The following PCDHGB6 variants were observed in gnomAD, a reference collection of about 807,000 sequenced individuals.
The protein encoded by PCDHGB6 is protocadherin gamma-B6.
In PCDHGB6, 51 loss-of-function variants were observed where a neutral mutation model predicts 59.1. That is an observed-to-expected ratio of 0.86 (90% CI 0.69 to 1.09). The LOEUF (loss-of-function observed/expected upper bound fraction) is 1.09. Among genes scored for constraint, PCDHGB6 ranks in the 50% least tolerant of loss-of-function variants. The pLI is 0.00. For synonymous variants in PCDHGB6, 466 were observed against 495.1 expected (o/e 0.94, Z 0.78); for missense variants, 1,148 against 1,205.1 (o/e 0.95, Z 0.70).
At chr5:141,416,859 G>C (rs1411419006) in intron 1 of PCDHGB6, 1 of 151,936 alleles carries the variant, frequency 6.6e-6, no homozygotes, top group African/African-American at 2.4e-5. Context: ...ATTTTTTTCA[G>C]GTCAGTCAAC....
chr5:141,501,836 T>G (rs2099811283), intron 2 of PCDHGB6, among the ~76,000 whole-genome samples: 1 of 152,136 alleles, frequency 6.6e-6, no homozygotes, highest in Non-Finnish European at 1.5e-5. Context: ...CCCACCTGTT[T>G]GGCCCTCAAC....
chr5:141,432,537 C>T lies in PCDHGB6; in HGVS notation c.2418+21917C>T, dbSNP rs367578838. Reference sequence around the variant, plus strand: ...GGCTACCTGGTGACCAAGGTGGTGGCGGTGGACAGAGACTCCGGCCAGAAC... The same window carrying T: ...GGCTACCTGGTGACCAAGGTGGTGGTGGTGGACAGAGACTCCGGCCAGAAC... On this transcript the variant is annotated intron_variant, in intron 1 of 3. Transcript: ENST00000520790. This position sits in a 1 kb window ranked among gnomAD's most constrained non-coding sequence, Gnocchi z 6.0. The T allele has an allele frequency of 5.6e-6, 9 of 1,613,882 alleles. No homozygotes were observed. The African/African-American group carries it at 6.7e-5, about 12-fold the overall frequency.
intron 1 of PCDHGB6, among the ~76,000 whole-genome samples, chr5:141,472,542 GA>G (rs904556404): frequency 1.6e-4 from 23 of 147,144 alleles, no homozygotes; most frequent in African/African-American, 4.2e-4. Context: ...ACCATCTCAA[GA>G]AAAAAAAAAT....
intron 1 of PCDHGB6, among the ~76,000 whole-genome samples, chr5:141,482,985 C>T (rs971017271): frequency 1.3e-5 from 2 of 151,372 alleles, no homozygotes; most frequent in East Asian, 1.9e-4. Context: ...CTTGAGAGGT[C>T]GAGGCAGGAG....
chr5:141,494,899 C>T, intron 2 of PCDHGB6, 34 bp downstream of exon 2: 1 of 1,614,116 alleles, frequency 6.2e-7, no homozygotes, highest in Non-Finnish European at 8.5e-7. Context: ...ACCCTCTTCT[C>T]TGCGGCATTT....
chr5:141,446,482 CT>C (rs112180482), intron 1 of PCDHGB6, among the ~76,000 whole-genome samples: 30,290 of 146,632 alleles, frequency 0.21, 3,322 homozygotes, highest in African/African-American at 0.31. Flanking sequence ...GGTCATCATT[CT>C]TTTTTTTTTT....
intron 1 of PCDHGB6, among the ~76,000 whole-genome samples, chr5:141,463,489 C>T (rs1190438683): frequency 7.2e-6 from 1 of 138,270 alleles, no homozygotes; most frequent in African/African-American, 2.8e-5. Context: ...CGCTCTGTCA[C>T]CCAGGCTGGA....
intron 1 of PCDHGB6, chr5:141,468,541 A>G (rs1407685120): frequency 6.6e-6 from 1 of 152,076 alleles, no homozygotes. Context: ...GTTTCCTGAC[A>G]TATTTAACAT....
intron 1 of PCDHGB6, among the ~76,000 whole-genome samples, chr5:141,451,106 G>A (rs1204327490): frequency 1.3e-5 from 2 of 152,164 alleles, no homozygotes; most frequent in African/African-American, 4.8e-5. Context: ...GGGATTACAG[G>A]CGTGAGCCAC....
intron 1 of PCDHGB6, chr5:141,417,728 T>A: frequency 7.3e-7 from 1 of 1,373,610 alleles, no homozygotes; most frequent in Non-Finnish European, 9.6e-7. Flanking sequence ...GCGCAGACCT[T>A]GCCCAGCACA....
chr5:141,490,993 C>G lies in PCDHGB6; in HGVS notation c.2419-3814C>G, dbSNP rs746618787. 1.9e-6 allele frequency: 3 copies of G among 1,614,140 alleles called. No individual in the cohort carries two copies. Among genetic ancestry groups the G allele is most frequent in the Non-Finnish European group, 2.5e-6 (3 of 1,180,030 alleles). On this transcript the variant is annotated intron_variant, in intron 1 of 3. Coordinates refer to ENST00000520790, the MANE Select transcript of PCDHGB6 (RefSeq NM_018926.3). The surrounding 1 kb of genome is among the most constrained non-coding windows in gnomAD (Gnocchi z 5.4). ...CCAGCGTCTCCCTCGCTCTGCTCCT[C>G]CTGGCTCCTTGGTCACCAAGGTGAC...
intron 1 of PCDHGB6, chr5:141,422,532 A>G (rs752364905): frequency 6.2e-7 from 1 of 1,614,030 alleles, no homozygotes; most frequent in South Asian, 1.1e-5. Flanking sequence ...CTTTGTCTGC[A>G]GAAACTCATG....
chr5:141,510,251 C>T (rs569804850), intron 3 of PCDHGB6, among the ~76,000 whole-genome samples: 5 of 144,790 alleles, frequency 3.5e-5, no homozygotes, highest in South Asian at 4.3e-4. Flanking sequence ...CCAGGCTGGG[C>T]GACAGAGCAG....
At position 141,491,518 on chromosome 5, in the gene PCDHGB6, A is replaced by G. The variant is rs756813813; in HGVS notation, c.2419-3289A>G. 3 of 1,613,990 alleles carry G rather than the reference A, an allele frequency of 1.9e-6. No individual in the cohort carries two copies. The highest frequency in any genetic ancestry group is 3.3e-5 in the Admixed American group (2 of 60,028). ...GAGCTCGGACGGCACGCTCAAGTAC[A>G]TGGAGGTGACGCTGCGGCCCACAGA... On this transcript the variant is annotated intron_variant, in intron 1 of 3. Transcript: ENST00000520790. This position sits in a 1 kb window ranked among gnomAD's most constrained non-coding sequence, Gnocchi z 6.9.
At chr5:141,434,695 AAT>A (rs1228504579) in intron 1 of PCDHGB6, among the ~76,000 whole-genome samples, 7 of 152,212 alleles carry the variant, frequency 4.6e-5, no homozygotes, top group Non-Finnish European at 8.8e-5. Flanking sequence ...GCTGTTAATA[AAT>A]ATGTGGGTAA....
At chr5:141,418,171 G>A (rs2096234086) in intron 1 of PCDHGB6, 1 of 1,613,952 alleles carries the variant, frequency 6.2e-7, no homozygotes, top group African/African-American at 1.3e-5. Flanking sequence ...GATGTGAGTT[G>A]CAATTGGAAG....
chr5:141,487,643 C>T lies in PCDHGB6; in HGVS notation c.2419-7164C>T. 1.2e-6 allele frequency: 2 copies of T among 1,614,104 alleles called. No homozygotes were observed. The highest frequency in any genetic ancestry group is 1.7e-6 in the Non-Finnish European group (2 of 1,179,986). Reference sequence around the variant, plus strand: ...GAGACCTTTGCAGGCTCAACAAATGCTTGAGGGTTATTCTGATCCAGGCAT... The same window carrying T: ...GAGACCTTTGCAGGCTCAACAAATGTTTGAGGGTTATTCTGATCCAGGCAT... On this transcript the variant is annotated intron_variant, in intron 1 of 3. Transcript: ENST00000520790. The surrounding 1 kb of genome is among the most constrained non-coding windows in gnomAD (Gnocchi z 5.0).
intron 1 of PCDHGB6, among the ~76,000 whole-genome samples, chr5:141,437,457 T>C (rs527469937): frequency 7.2e-5 from 11 of 152,358 alleles, no homozygotes; most frequent in Non-Finnish European, 1.5e-4. Flanking sequence ...GAGGAGACTA[T>C]ACTATACTTT....
At chr5:141,451,238 T>A (rs1167769789) in intron 1 of PCDHGB6, among the ~76,000 whole-genome samples, 6 of 152,214 alleles carry the variant, frequency 3.9e-5, no homozygotes, top group African/African-American at 1.4e-4. Context: ...TATTATCTCA[T>A]AAATTTTGTG....
Sources: gnomAD v4.1 joint callset for allele counts (sites outside exome capture counted in the v4.1 genomes callset) on GRCh38, gnomAD v4.1.1 for gene constraint, Gnocchi (gnomAD v3.1) non-coding constraint, MANE v1.5 for transcripts, NCBI Gene and HGNC (gene_info 2026-07-23, HGNC 2026-07-21) for gene names.